Variants in RAB43 observed in about 807,000 individuals in gnomAD.
RAB43 encodes RAB43, member RAS oncogene family, also known as ras-related protein Rab-43.
In RAB43, 6 loss-of-function variants were observed where a neutral mutation model predicts 18.8. The ratio of observed to expected loss-of-function variants is 0.32; its 90% CI spans 0.17 to 0.63. The LOEUF (loss-of-function observed/expected upper bound fraction) is 0.63, where lower values mean the gene tolerates loss of function less well. Among genes scored for constraint, RAB43 ranks in the 30% least tolerant of loss-of-function variants. The pLI is 0.79. For synonymous variants in RAB43, 103 were observed against 124.1 expected (o/e 0.83, Z 1.13); for missense variants, 195 against 289.1 (o/e 0.67, Z 2.36).
intron 1 of RAB43, among the ~76,000 whole-genome samples, chr3:129,105,781 A>G: frequency 7.2e-6 from 1 of 138,736 alleles, no homozygotes; most frequent in Admixed American, 7.2e-5. Flanking sequence ...ACTCCATCTC[A>G]AAAAAAAAAA....
chr3:129,115,598 T>A (rs746752454), intron 1 of RAB43, among the ~76,000 whole-genome samples: 7 of 152,108 alleles, frequency 4.6e-5, no homozygotes, highest in Admixed American at 3.3e-4. Flanking sequence ...GGTGGGTGGA[T>A]CACTTGAGGT....
chr3:129,095,114 T>C lies in RAB43; in HGVS notation c.260A>G (p.Tyr87Cys). The C allele has an allele frequency of 6.2e-7, 1 of 1,611,848 alleles. No homozygotes were observed. Among genetic ancestry groups the C allele is most frequent in the Non-Finnish European group, 8.5e-7 (1 of 1,178,194 alleles). ...QERFRTITQSYYRSANGAILA... is the reference protein window; with the variant it reads ...QERFRTITQSCYRSANGAILA... ...GATGGCCCCATTGGCACTGCGGTAGTAGCTCTGGGTGATGGTGCGGAACCG... is the reference window on the plus strand; with the variant it reads ...GATGGCCCCATTGGCACTGCGGTAGCAGCTCTGGGTGATGGTGCGGAACCG... The change falls in exon 2 of 3, where the codon TAC becomes TGC. Residue 87 changes from tyrosine to cysteine, a missense_variant. Tyr to Cys is a radical substitution (Grantham distance 194). Coordinates refer to ENST00000315150, the MANE Select transcript of RAB43 (RefSeq NM_198490.3). The surrounding 1 kb of genome is among the most constrained non-coding windows in gnomAD (Gnocchi z 4.2).
intron 1 of RAB43, among the ~76,000 whole-genome samples, chr3:129,114,814 T>C (rs766521105): frequency 6.6e-6 from 1 of 152,148 alleles, no homozygotes; most frequent in Non-Finnish European, 1.5e-5. Context: ...CCTGATCAGT[T>C]TGGGGTCACT....
chr3:129,119,778 C>T (rs527990926), intron 1 of RAB43, among the ~76,000 whole-genome samples: 84 of 152,368 alleles, frequency 5.5e-4, no homozygotes, highest in African/African-American at 1.9e-3. Flanking sequence ...GTTATCTCAA[C>T]AGGTAAACAG....
At chr3:129,109,530 A>G (rs1935013026) in intron 1 of RAB43, among the ~76,000 whole-genome samples, 1 of 151,490 alleles carries the variant, frequency 6.6e-6, no homozygotes, top group East Asian at 1.9e-4. Context: ...TGAAGTCAGG[A>G]GTTCAAGACC....
rs891740487 is a variant in RAB43 at position 129,095,495 on chromosome 3, C to A, written c.205-326G>T. On this transcript the variant is annotated intron_variant, in intron 1 of 2. Coordinates refer to ENST00000315150, the MANE Select transcript of RAB43 (RefSeq NM_198490.3). The surrounding 1 kb of genome is among the most constrained non-coding windows in gnomAD (Gnocchi z 4.2). ...GCCCACTGCTGCGAAAACAGAACCA[C>A]CAGTGCTCAAGCGGCCGGCGGCTGG... is the stretch of plus-strand genomic sequence containing the variant. Among the ~76,000 whole-genome samples, 13 of 152,330 alleles carry A rather than the reference C, an allele frequency of 8.5e-5. No individual in the cohort carries two copies. The highest frequency in any genetic ancestry group is 2.9e-4 in the African/African-American group (12 of 41,570).
rs1406969736 is a variant in RAB43, at chr3:129,107,064, T to A, written c.205-11895A>T. Among the ~76,000 whole-genome samples the A allele has an allele frequency of 6.6e-6, 1 of 152,152 alleles. No individual in the cohort carries two copies. The highest frequency in any genetic ancestry group is 2.4e-5 in the African/African-American group (1 of 41,420). ...GCCATGAAAGCCAGGAAGGCAGAGT[T>A]CTGTGGGCACCTGGCACTGTCTGTC... On this transcript the variant is annotated intron_variant, in intron 1 of 2. Coordinates refer to ENST00000315150, the MANE Select transcript of RAB43 (RefSeq NM_198490.3). The surrounding 1 kb of genome is among the most constrained non-coding windows in gnomAD (Gnocchi z 4.2).
At chr3:129,100,844 T>A (rs888952114) in intron 1 of RAB43, among the ~76,000 whole-genome samples, 6 of 152,212 alleles carry the variant, frequency 3.9e-5, no homozygotes, top group Non-Finnish European at 1.5e-5. Context: ...TCTCGCTCTG[T>A]CGCCCAGGCT....
At chr3:129,120,997 T>C (rs1388395861) in intron 1 of RAB43, among the ~76,000 whole-genome samples, 1 of 151,086 alleles carries the variant, frequency 6.6e-6, no homozygotes, top group Non-Finnish European at 1.5e-5. Context: ...ATGGCTAAAG[T>C]TATTTTGGAG....
intron 1 of RAB43, among the ~76,000 whole-genome samples, chr3:129,101,251 T>C (rs1934395181): frequency 6.6e-6 from 1 of 152,228 alleles, no homozygotes; most frequent in African/African-American, 2.4e-5. Flanking sequence ...GCAAATGTTT[T>C]TAATATACAC....
intron 2 of RAB43, among the ~76,000 whole-genome samples, chr3:129,094,231 C>T (rs1050110506): frequency 4.1e-4 from 63 of 152,256 alleles, no homozygotes; most frequent in Non-Finnish European, 1.8e-4. Flanking sequence ...TTCTGAGGCA[C>T]GGAAGCCATC....
At chr3:129,103,721 C>T (rs977181449) in intron 1 of RAB43, among the ~76,000 whole-genome samples, 14 of 152,162 alleles carry the variant, frequency 9.2e-5, no homozygotes, top group Non-Finnish European at 1.5e-4. Flanking sequence ...TGTGCCACCA[C>T]GCCCGGCTAA....
chr3:129,103,785 G>A (rs1425998478), intron 1 of RAB43, among the ~76,000 whole-genome samples: 2 of 152,052 alleles, frequency 1.3e-5, no homozygotes, highest in Non-Finnish European at 2.9e-5. Context: ...GGCTGGTCTC[G>A]AACTCCTGAC....
At chr3:129,102,390 G>A (rs541442506) in intron 1 of RAB43, among the ~76,000 whole-genome samples, 2 of 152,250 alleles carry the variant, frequency 1.3e-5, no homozygotes, top group African/African-American at 4.8e-5. Flanking sequence ...CAGCACTTTG[G>A]AAGGCCGAGG....
chr3:129,099,813 T>A (rs1215333727), intron 1 of RAB43, among the ~76,000 whole-genome samples: 1 of 150,708 alleles, frequency 6.6e-6, no homozygotes, highest in Non-Finnish European at 1.5e-5. Context: ...TGAAGAAAAA[T>A]CAATAAAGAG....
intron 1 of RAB43, among the ~76,000 whole-genome samples, chr3:129,101,695 C>T (rs919057449): frequency 2.6e-5 from 4 of 152,192 alleles, no homozygotes; most frequent in South Asian, 2.1e-4. Flanking sequence ...GCCAGATGGC[C>T]GTGAAGAAGG....
In RAB43 at chr3:129,121,500, A is replaced by C. The variant is rs1461475854; in HGVS notation, c.-11T>G. 6.3e-7 allele frequency: 1 copy of C among 1,598,884 alleles called. No individual in the cohort carries two copies. Among genetic ancestry groups the C allele is most frequent in the Non-Finnish European group, 8.5e-7 (1 of 1,173,284 alleles). On this transcript the variant is annotated 5_prime_UTR_variant, in exon 1 of 3. Coordinates refer to ENST00000315150, the MANE Select transcript of RAB43 (RefSeq NM_198490.3). ...GCCCGGCCCTGCCATGGCCTAGAAG[A>C]AGCCGAAGGGCCGGCGCTCTGGACG...
At chr3:129,105,108 G>A (rs915908796) in intron 1 of RAB43, among the ~76,000 whole-genome samples, 7 of 152,176 alleles carry the variant, frequency 4.6e-5, no homozygotes, top group South Asian at 2.1e-4. Context: ...TGTGGGACCC[G>A]CTGGCTATCA....
intron 1 of RAB43, among the ~76,000 whole-genome samples, chr3:129,119,628 C>A (rs1003967684): frequency 6.6e-6 from 1 of 152,172 alleles, no homozygotes; most frequent in Non-Finnish European, 1.5e-5. Flanking sequence ...CTACACAGCT[C>A]TTCTGCTCCC....
Sources: gnomAD v4.1 joint callset for allele counts (sites outside exome capture counted in the v4.1 genomes callset) on GRCh38, gnomAD v4.1.1 for gene constraint, Gnocchi (gnomAD v3.1) non-coding constraint, MANE v1.5 for transcripts, NCBI Gene and HGNC (gene_info 2026-07-23, HGNC 2026-07-21) for gene names.